The following SLC17A5 variants were observed in gnomAD, a reference collection of about 807,000 sequenced individuals.
SLC17A5 encodes solute carrier family 17 member 5.
A neutral mutation model predicts 59.4 loss-of-function variants in SLC17A5; 47 were observed. That is an observed-to-expected ratio of 0.79 (90% CI 0.63 to 1.01). The LOEUF (loss-of-function observed/expected upper bound fraction) is 1.01, where lower values mean the gene tolerates loss of function less well. SLC17A5 is among the 50% of genes least tolerant of loss of function. The pLI is 0.00. For synonymous variants in SLC17A5, 202 were observed against 210.7 expected, an observed-to-expected ratio of 0.96 and a Z score of 0.36; for missense variants, 522 against 595.5, an observed-to-expected ratio of 0.88 and a Z score of 1.28.
intron 7 of SLC17A5, among the ~76,000 whole-genome samples, chr6:73,617,318 G>GAA (rs1018471857): frequency 6.7e-6 from 1 of 149,000 alleles, no homozygotes; most frequent in Non-Finnish European, 1.5e-5. Flanking sequence ...ACAAAAAAAA[G>GAA]AAAAAAAAAC....
At chr6:73,611,120 ACCTGTAGT>A (rs1380795964) in intron 8 of SLC17A5, among the ~76,000 whole-genome samples, 1 of 152,110 alleles carries the variant, frequency 6.6e-6, no homozygotes, top group Non-Finnish European at 1.5e-5. Flanking sequence ...GGTGGTGCAC[ACCTGTAGT>A]CCTGGCTGCT....
At chr6:73,601,550 G>T in intron 9 of SLC17A5, among the ~76,000 whole-genome samples, 1 of 98,024 alleles carries the variant, frequency 1.0e-5, no homozygotes, top group Non-Finnish European at 2.1e-5. Flanking sequence ...ACCCGTCCGG[G>T]AGGTGAGGGG....
chr6:73,606,694 C>T (rs1320629300), intron 9 of SLC17A5, among the ~76,000 whole-genome samples: 1 of 152,138 alleles, frequency 6.6e-6, no homozygotes, highest in Non-Finnish European at 1.5e-5. Context: ...ATACAGATGC[C>T]AGCAGGAATC....
intron 7 of SLC17A5, among the ~76,000 whole-genome samples, chr6:73,619,529 TA>T (rs147348958): frequency 6.6e-6 from 1 of 150,884 alleles, no homozygotes; most frequent in East Asian, 1.9e-4. Context: ...CTCTACTATT[TA>T]AAAAAAACAA....
chr6:73,610,383 T>G lies in SLC17A5; in HGVS notation c.1259+17A>C. ...AATTTAAAGTCAATCACAGCAAATC[T>G]TTATATTAGTACTCACGAAGGAGCA... On this transcript the variant is annotated intron_variant, in intron 9 of 10. Transcript: ENST00000355773. 6.2e-7 allele frequency: 1 copy of G among 1,613,544 alleles called. No individual in the cohort carries two copies. The highest frequency in any genetic ancestry group is 8.5e-7 in the Non-Finnish European group (1 of 1,179,546).
intron 9 of SLC17A5, among the ~76,000 whole-genome samples, chr6:73,600,997 GC>G (rs528457450): frequency 5.9e-4 from 90 of 152,012 alleles, no homozygotes; most frequent in African/African-American, 2.1e-3. Context: ...TCTCTGCCTG[GC>G]CGCCCATCGT....
intron 7 of SLC17A5, among the ~76,000 whole-genome samples, chr6:73,616,617 T>C (rs1358395058): frequency 1.3e-5 from 2 of 151,670 alleles, no homozygotes; most frequent in Non-Finnish European, 2.9e-5. Flanking sequence ...CTTTTTTTTT[T>C]TTTTCTTTTG....
intron 9 of SLC17A5, among the ~76,000 whole-genome samples, chr6:73,602,444 T>A (rs12192497): frequency 0.38 from 56,648 of 148,358 alleles, 11,011 homozygotes; most frequent in African/African-American, 0.47. Context: ...ATAAAAAAAA[T>A]AAAAATTAAC....
chr6:73,617,055 C>G (rs1767905861), intron 7 of SLC17A5, among the ~76,000 whole-genome samples: 1 of 151,878 alleles, frequency 6.6e-6, no homozygotes, highest in Non-Finnish European at 1.5e-5. Context: ...CTTTGGGAGG[C>G]CGCGGAGGAA....
At chr6:73,653,216 A>G in intron 1 of SLC17A5, 4 of 985,388 alleles carry the variant, frequency 4.1e-6, no homozygotes, top group Non-Finnish European at 4.8e-6. Context: ...CATACTCACA[A>G]ATGTTAACTC....
intron 4 of SLC17A5, among the ~76,000 whole-genome samples, 156 bp from the exon 5 acceptor site, chr6:73,636,863 C>T (rs1277993176): frequency 6.6e-6 from 1 of 152,046 alleles, no homozygotes; most frequent in Admixed American, 6.6e-5. Context: ...GGTGGATCAC[C>T]TGAGCCTAGG....
At chr6:73,615,560 A>T in intron 7 of SLC17A5, 113 bp from the exon 8 acceptor site, 1 of 1,036,130 alleles carries the variant, frequency 9.7e-7, no homozygotes, top group South Asian at 1.4e-5. Context: ...GCATAGCAAT[A>T]TGTTGTTAAT....
chr6:73,610,547 C>A lies in SLC17A5; in HGVS notation c.1112G>T (p.Gly371Val). 6.2e-7 allele frequency: 1 copy of A among 1,613,936 alleles called. No individual in the cohort carries two copies. Residue 371 changes from glycine (G) to valine (V), a missense_variant and splice_region_variant, in exon 9 of 11, where the codon GGA becomes GTA. Physicochemically the swap from Gly to Val is moderately radical, Grantham distance 109. Around this residue, in one of 3 missense-constraint regions of SLC17A5, gnomAD observed 153 missense variants for 168.5 expected, o/e 0.91. Coordinates refer to ENST00000355773, the MANE Select transcript of SLC17A5 (RefSeq NM_012434.5). ...CAGGAATACTGCAGGTCCAATCATT[C>A]CTGGAGTTAAAAAGTTATAAAAGGG... is the stretch of plus-strand genomic sequence containing the variant. ...LCVRRIFSLI[G>V]MIGPAVFLVA...
intron 9 of SLC17A5, 37 bp from the exon 10 acceptor site, chr6:73,600,478 T>C (rs1767006316): frequency 6.9e-7 from 1 of 1,452,738 alleles, no homozygotes; most frequent in South Asian, 1.1e-5. Flanking sequence ...ATTATTGTGA[T>C]ACACATTTAA....
At chr6:73,605,859 C>T (rs1767366842) in intron 9 of SLC17A5, among the ~76,000 whole-genome samples, 1 of 151,914 alleles carries the variant, frequency 6.6e-6, no homozygotes, top group African/African-American at 2.4e-5. Flanking sequence ...TGCCTGTAAT[C>T]CCAGCTACTT....
chr6:73,622,146 T>C lies in SLC17A5; in HGVS notation c.820-184A>G, dbSNP rs1472553698. ...AATACATGATAAATATTTAGTTGTT[T>C]GATTTTTTAAAAAATATATTAACTA... On this transcript the variant is annotated intron_variant, in intron 6 of 10. Transcript: ENST00000355773. 2.0e-5 allele frequency among the ~76,000 whole-genome samples: 3 copies of C among 152,206 alleles called. No individual in the cohort carries two copies. In the East Asian group the frequency reaches 5.8e-4, roughly 29 times the overall value.
At chr6:73,633,375 T>C (rs562240416) in intron 6 of SLC17A5, among the ~76,000 whole-genome samples, 1 of 151,954 alleles carries the variant, frequency 6.6e-6, no homozygotes, top group Non-Finnish European at 1.5e-5. Context: ...AATAAAAAAC[T>C]TAAAAAGAAA....
chr6:73,650,857 G>C (rs1455601688), intron 1 of SLC17A5, among the ~76,000 whole-genome samples: 2 of 152,102 alleles, frequency 1.3e-5, no homozygotes, highest in East Asian at 1.9e-4. Context: ...CCAGTGTCTA[G>C]AGCCGTGTAT....
At chr6:73,616,607 CT>C (rs767486363) in intron 7 of SLC17A5, among the ~76,000 whole-genome samples, 427 of 138,616 alleles carry the variant, frequency 3.1e-3, no homozygotes, top group African/African-American at 6.6e-3. Flanking sequence ...ACTGGAGAGT[CT>C]TTTTTTTTTT....
Sources: allele counts gnomAD v4.1 joint callset (sites outside exome capture counted in the v4.1 genomes callset), GRCh38; gene constraint gnomAD v4.1.1; regional missense constraint gnomAD v4.1.1; transcripts MANE v1.5; gene names NCBI Gene and HGNC (gene_info 2026-07-23, HGNC 2026-07-21).